Variants in TMEM223 observed in about 807,000 individuals in gnomAD.
TMEM223 encodes transmembrane protein 223.
TMEM223 carries 14 observed loss-of-function variants against 14.1 expected under a neutral mutation model. The ratio of observed to expected loss-of-function variants is 0.99; its 90% CI spans 0.66 to 1.55. The LOEUF (loss-of-function observed/expected upper bound fraction) is 1.55. Ranked by LOEUF, TMEM223 falls within the 40% of genes most tolerant of loss-of-function variation. The pLI, the probability that TMEM223 is intolerant of heterozygous loss-of-function variation, is 0.00. For missense variants in TMEM223, 346 were observed against 269.9 expected (o/e 1.28, Z -1.97); for synonymous variants, 145 against 120.5 (o/e 1.20, Z -1.33).
At chr11:62,782,507 C>A (rs1319421026) in intron 1 of TMEM223, 10 of 1,053,078 alleles carry the variant, frequency 9.5e-6, no homozygotes, top group Non-Finnish European at 1.2e-5. Context: ...AAATGGATTA[C>A]AAATACGCCA....
downstream of TMEM223, among the ~76,000 whole-genome samples, chr11:62,784,772 G>C (rs1323729709): frequency 6.6e-6 from 1 of 152,102 alleles, no homozygotes; most frequent in African/African-American, 2.4e-5. Flanking sequence ...ACTATGTCAT[G>C]GGATAGTCGT....
At chr11:62,775,435 A>T (rs901702087) in intron 1 of TMEM223, among the ~76,000 whole-genome samples, 1 of 152,186 alleles carries the variant, frequency 6.6e-6, no homozygotes, top group East Asian at 1.9e-4. Context: ...TGAGCTAGAG[A>T]GGGCAGGAAT....
In TMEM223 at chr11:62,791,766, G is replaced by C. The variant is rs376343022; in HGVS notation, c.229C>G (p.Leu77Val). The C allele has an allele frequency of 6.4e-7, 1 of 1,566,494 alleles. No individual in the cohort carries two copies. The highest frequency in any genetic ancestry group is 8.6e-7 in the Non-Finnish European group (1 of 1,156,174). Residue 77 changes from leucine to valine, a missense_variant, in exon 1 of 2, where the codon CTG (leucine) becomes GTG (valine). Coordinates refer to ENST00000307366, the MANE Select transcript of TMEM223 (RefSeq NM_001080501.3). ...CCACGATTTGGGACCTCCGCATCCA[G>C]AGGCTGCACCGGAACCGGGGGCCGG... ...VSRPPVPVQP[L>V]DAEVPNRGPF...
At chr11:62,786,554 C>T (rs142098099), downstream of TMEM223, 125 of 1,556,868 alleles carry the variant, frequency 8.0e-5, 1 homozygote, top group African/African-American at 1.5e-3. Context: ...AAGGCCCAGG[C>T]AGCAGAGCCC....
At chr11:62,787,377 G>C (rs1430495285), downstream of TMEM223, 20 of 1,550,202 alleles carry the variant, frequency 1.3e-5, no homozygotes, top group Non-Finnish European at 1.7e-5. Context: ...CGCCGGATAA[G>C]GTGGGCTTTG....
At position 62,778,969 on chromosome 11, in the gene TMEM223, C is replaced by T. The variant is rs537647586; in HGVS notation, c.315-4304G>A. ...ATGATCCGCAACTGATGAAGGTGAG[C>T]GAGTGGGCCCAAGTTGGGGCACAAA... On this transcript the variant is annotated intron_variant, in intron 1 of 2. Transcript: ENST00000528367. The T allele has an allele frequency of 3.7e-5, 60 of 1,609,904 alleles. No individual in the cohort carries two copies. The South Asian group carries it at 4.2e-4, about 11-fold the overall frequency.
intron 1 of TMEM223, among the ~76,000 whole-genome samples, chr11:62,779,976 A>ATATATATATTTTTTTTTTT (rs1294367864): frequency 1.9e-5 from 1 of 52,630 alleles, no homozygotes; most frequent in African/African-American, 7.7e-5. Flanking sequence ...ATATATATAT[A>ATATATATATTTTTTTTTTT]TTTTTTTTTT....
downstream of TMEM223, chr11:62,789,408 C>T (rs2084331780): frequency 6.2e-7 from 1 of 1,613,898 alleles, no homozygotes. Context: ...TCCATCATCT[C>T]CTTGAACACT....
At chr11:62,787,323 A>T, downstream of TMEM223, 1 of 1,524,978 alleles carries the variant, frequency 6.6e-7, no homozygotes, top group South Asian at 1.2e-5. Context: ...TTCCTTGTAA[A>T]TAAATCCCGC....
chr11:62,787,850 T>G, downstream of TMEM223: 1 of 632,500 alleles, frequency 1.6e-6, no homozygotes, highest in South Asian at 1.5e-5. Flanking sequence ...AGAACCTGCG[T>G]CCATCCGTTA....
intron 2 of TMEM223, chr11:62,772,257 C>T: frequency 2.5e-6 from 1 of 404,880 alleles, no homozygotes; most frequent in Non-Finnish European, 5.0e-6. Context: ...CGCGGTGGCT[C>T]ACGCCTGTAA....
downstream of TMEM223, chr11:62,788,997 T>C (rs775486893): frequency 3.8e-6 from 6 of 1,596,648 alleles, no homozygotes; most frequent in African/African-American, 2.7e-5. Flanking sequence ...ACCTGAAATC[T>C]AGGACTCAGC....
chr11:62,777,388 A>G (rs1056494307), intron 1 of TMEM223, among the ~76,000 whole-genome samples: 2 of 152,216 alleles, frequency 1.3e-5, no homozygotes, highest in African/African-American at 4.8e-5. Flanking sequence ...CCTGATAGCA[A>G]CAGCAGACCA....
downstream of TMEM223, among the ~76,000 whole-genome samples, chr11:62,783,798 G>C (rs2084248604): frequency 6.6e-6 from 1 of 151,850 alleles, no homozygotes; most frequent in Middle Eastern, 3.4e-3. Flanking sequence ...TTCCCATAGT[G>C]CTGGGATTAT....
At chr11:62,774,920 C>T (rs2084174639) in intron 1 of TMEM223, among the ~76,000 whole-genome samples, 1 of 150,404 alleles carries the variant, frequency 6.6e-6, no homozygotes, top group Non-Finnish European at 1.5e-5. Context: ...ATTTAGCCAT[C>T]CGGGCGTGGT....
At chr11:62,776,016 G>C in intron 1 of TMEM223, 1 of 1,462,306 alleles carries the variant, frequency 6.8e-7, no homozygotes, top group Non-Finnish European at 9.2e-7. Context: ...TTATTCAAGT[G>C]TACACTGGGT....
intron 1 of TMEM223, chr11:62,778,368 A>G: frequency 6.2e-7 from 1 of 1,613,666 alleles, no homozygotes; most frequent in South Asian, 1.1e-5. Flanking sequence ...GGCTCTTTGG[A>G]TGAATTTTCT....
At chr11:62,784,140 C>T (rs2084252436), downstream of TMEM223, among the ~76,000 whole-genome samples, 1 of 146,054 alleles carries the variant, frequency 6.8e-6, no homozygotes, top group African/African-American at 2.5e-5. Context: ...CAGGCACGCA[C>T]CACCAGGGCC....
chr11:62,779,974 A>ATTTTT (rs1432226168), intron 1 of TMEM223, among the ~76,000 whole-genome samples: 3 of 74,918 alleles, frequency 4.0e-5, no homozygotes, highest in African/African-American at 1.0e-4. Context: ...ATATATATAT[A>ATTTTT]TATTTTTTTT....
Sources: gnomAD v4.1 joint callset for allele counts (sites outside exome capture counted in the v4.1 genomes callset) on GRCh38, gnomAD v4.1.1 for gene constraint, MANE v1.5 for transcripts, NCBI Gene and HGNC (gene_info 2026-07-23, HGNC 2026-07-21) for gene names.